The following CAT variants were observed in gnomAD, a reference collection of about 807,000 sequenced individuals.
The protein encoded by CAT is epididymis secretory sperm binding protein.
In CAT, 43 loss-of-function variants were observed where a neutral mutation model predicts 59.0. That is an observed-to-expected ratio of 0.73 (90% confidence interval 0.57 to 0.94). The LOEUF is 0.94. CAT is among the 40% of genes least tolerant of loss of function. The pLI is 0.00. For synonymous variants in CAT, 218 were observed against 230.9 expected (o/e 0.94, Z 0.51); for missense variants, 664 against 682.9 (o/e 0.97, Z 0.31).
intron 1 of CAT, among the ~76,000 whole-genome samples, chr11:34,446,133 G>A (rs1379307061): frequency 1.3e-5 from 2 of 152,090 alleles, no homozygotes; most frequent in Non-Finnish European, 2.9e-5. Flanking sequence ...CTTATCCAAT[G>A]TTGCGCTAAA....
chr11:34,450,907 C>G (rs969490988), intron 2 of CAT, 81 bp from the exon 3 acceptor site: 2 of 919,966 alleles, frequency 2.2e-6, no homozygotes, highest in African/African-American at 1.6e-5. Flanking sequence ...ATCATTTTCT[C>G]TTGTCACCCA....
At chr11:34,445,567 G>C (rs1856443073) in intron 1 of CAT, among the ~76,000 whole-genome samples, 1 of 148,862 alleles carries the variant, frequency 6.7e-6, no homozygotes, top group African/African-American at 2.5e-5. Context: ...TTTGTTATAT[G>C]GGGCACAAGA....
chr11:34,466,657 T>C (rs1435162267), intron 10 of CAT, among the ~76,000 whole-genome samples: 67 of 150,722 alleles, frequency 4.4e-4, no homozygotes, highest in African/African-American at 1.6e-3. Context: ...GGCGGGCGCC[T>C]GTAGTCCCAG....
At chr11:34,455,873 T>C in intron 6 of CAT, 138 bp from the exon 7 acceptor site, 1 of 688,858 alleles carries the variant, frequency 1.5e-6, no homozygotes, top group Non-Finnish European at 2.5e-6. Flanking sequence ...AGTATCAGAT[T>C]TGAACAATAG....
chr11:34,443,932 C>T (rs1028766051), intron 1 of CAT, among the ~76,000 whole-genome samples: 5 of 152,082 alleles, frequency 3.3e-5, no homozygotes, highest in Admixed American at 2.0e-4. Context: ...GGTATGGAAT[C>T]GCTAAGTCAT....
At position 34,470,688 on chromosome 11, in the gene CAT, T is replaced by G. The variant is rs1347170489; in HGVS notation, c.1435-270T>G. The G allele has an allele frequency of 8.4e-6, 4 of 476,002 alleles. No individual in the cohort carries two copies. In the East Asian group the frequency reaches 1.3e-4, roughly 15 times the overall value. 29.5% of individuals were successfully genotyped at this position (476,002 alleles called of 1,614,324 possible). On this transcript the variant is annotated intron_variant, in intron 11 of 12. Coordinates refer to ENST00000241052, the MANE Select transcript of CAT (RefSeq NM_001752.4). ...ATAGTATTTTTAAAATTATACTGAT[T>G]AGGTGTCATTTTCTTGCGCATTTCG...
rs750480793 is a variant in CAT, at chr11:34,451,077, G to T, written c.328G>T (p.Ala110Ser). Reference protein sequence around the residue: ...FEHIGKKTPIAVRFSTVAGES... With the variant: ...FEHIGKKTPISVRFSTVAGES... ...GCATATTGGAAAGAAGACTCCCATCGCAGTTCGGTTCTCCACTGTTGGTAA... is the reference window on the plus strand; with the variant it reads ...GCATATTGGAAAGAAGACTCCCATCTCAGTTCGGTTCTCCACTGTTGGTAA... Residue 110 changes from alanine to serine, a missense_variant, in exon 3 of 13, where the codon GCA becomes TCA. Transcript: ENST00000241052. The T allele has an allele frequency of 1.9e-6, 3 of 1,609,826 alleles. No individual in the cohort carries two copies.
chr11:34,440,205 T>A (rs1236043142), intron 1 of CAT, among the ~76,000 whole-genome samples: 3 of 152,250 alleles, frequency 2.0e-5, no homozygotes, highest in Non-Finnish European at 4.4e-5. Flanking sequence ...GTATTAATGC[T>A]AAGTGCTCAT....
intron 11 of CAT, among the ~76,000 whole-genome samples, chr11:34,469,187 T>G (rs934787571): frequency 3.3e-5 from 5 of 152,160 alleles, no homozygotes; most frequent in African/African-American, 1.2e-4. Flanking sequence ...CCTTGGCCCC[T>G]AGTTGCTGCT....
chr11:34,446,137 C>A (rs569040917), intron 1 of CAT, among the ~76,000 whole-genome samples: 1 of 152,090 alleles, frequency 6.6e-6, no homozygotes, highest in East Asian at 1.9e-4. Context: ...TCCAATGTTG[C>A]GCTAAACATC....
intron 1 of CAT, among the ~76,000 whole-genome samples, chr11:34,446,985 C>T (rs1856464421): frequency 6.6e-6 from 1 of 152,132 alleles, no homozygotes; most frequent in Non-Finnish European, 1.5e-5. Context: ...CTCAGGTGAT[C>T]CACCTGCTGC....
At chr11:34,469,630 C>T (rs1856753753) in intron 11 of CAT, among the ~76,000 whole-genome samples, 1 of 151,782 alleles carries the variant, frequency 6.6e-6, no homozygotes, top group Non-Finnish European at 1.5e-5. Context: ...CCTCACTTCT[C>T]AGCATTTTTC....
intron 1 of CAT, among the ~76,000 whole-genome samples, chr11:34,442,893 C>A (rs963312904): frequency 1.3e-5 from 2 of 152,156 alleles, no homozygotes; most frequent in Non-Finnish European, 2.9e-5. Flanking sequence ...TAGTCTACCC[C>A]CTGTCCAGGA....
intron 1 of CAT, among the ~76,000 whole-genome samples, chr11:34,444,722 C>T (rs1325025940): frequency 6.6e-6 from 1 of 152,196 alleles, no homozygotes. Context: ...AAGGGAACTA[C>T]TAAGTGGAAA....
intron 1 of CAT, 23 bp downstream of exon 1, chr11:34,439,102 G>C: frequency 1.9e-6 from 3 of 1,566,128 alleles, no homozygotes; most frequent in Non-Finnish European, 2.6e-6. Flanking sequence ...CTCCCCGAGC[G>C]GGCCCGAAGG....
At chr11:34,462,672 C>T (rs1856664405) in intron 9 of CAT, among the ~76,000 whole-genome samples, 1 of 152,092 alleles carries the variant, frequency 6.6e-6, no homozygotes, top group African/African-American at 2.4e-5. Flanking sequence ...CCCACTTTGG[C>T]CCCCCAAAGT....
chr11:34,445,509 A>AAAAG (rs1210482072), intron 1 of CAT, among the ~76,000 whole-genome samples: 3 of 150,280 alleles, frequency 2.0e-5, no homozygotes, highest in African/African-American at 7.3e-5. Context: ...AAAAAAAAAA[A>AAAAG]AAAAAAAAAA....
chr11:34,466,516 G>A (rs1007402592), intron 10 of CAT, among the ~76,000 whole-genome samples: 22 of 152,060 alleles, frequency 1.4e-4, no homozygotes, highest in Non-Finnish European at 2.8e-4. Flanking sequence ...GGTGGCTCAC[G>A]CCTGTAATCC....
intron 7 of CAT, 47 bp from the exon 8 acceptor site, chr11:34,456,618 T>G: frequency 6.3e-7 from 1 of 1,589,982 alleles, no homozygotes; most frequent in Non-Finnish European, 8.6e-7. Context: ...AGCTTTGATT[T>G]CCTTCAGTTG....
Sources: gnomAD v4.1 joint callset for allele counts (sites outside exome capture counted in the v4.1 genomes callset) on GRCh38, gnomAD v4.1.1 for gene constraint, MANE v1.5 for transcripts, NCBI Gene and HGNC (gene_info 2026-07-23, HGNC 2026-07-21) for gene names.